ACSL1: variants seen among roughly 807,000 people sequenced by gnomAD.
ACSL1 encodes the protein acyl-CoA synthetase long chain family member 1.
ACSL1 carries 41 observed loss-of-function variants against 98.4 expected under a neutral mutation model. The observed-to-expected ratio is 0.42, with a 90% CI of 0.32 to 0.54. The LOEUF (loss-of-function observed/expected upper bound fraction) is 0.54, where lower values mean the gene tolerates loss of function less well. Among genes scored for constraint, ACSL1 ranks in the 20% least tolerant of loss-of-function variants. ACSL1 has a pLI of 0.13. For synonymous variants in ACSL1, 316 were observed against 322.7 expected (o/e 0.98, Z 0.22); for missense variants, 734 against 883.1 (o/e 0.83, Z 2.14).
intron 14 of ACSL1, among the ~76,000 whole-genome samples, chr4:184,765,272 G>A (rs927900380): frequency 1.3e-5 from 2 of 152,110 alleles, no homozygotes; most frequent in South Asian, 4.1e-4. Flanking sequence ...TTTACTACAG[G>A]TTGTCAGCAT....
At position 184,774,450 on chromosome 4, in the gene ACSL1, A is replaced by G. The variant is rs371199192; in HGVS notation, c.757-575T>C. The stretch of plus-strand genomic sequence containing the variant: ...TGGAGATAGGATTTGGGAGCCCCCA[A>G]TTATAAAACAGGCCACAGCAGACCC... On this transcript the variant is annotated intron_variant, in intron 7 of 20. Transcript: ENST00000281455. Among the ~76,000 whole-genome samples, 48 of 152,270 alleles carry G rather than the reference A, an allele frequency of 3.2e-4. No individual in the cohort carries two copies. The East Asian group carries it at 7.9e-3, about 25-fold the overall frequency.
chr4:184,815,937 A>G (rs1772589109), intron 1 of ACSL1, among the ~76,000 whole-genome samples: 1 of 152,050 alleles, frequency 6.6e-6, no homozygotes, highest in Non-Finnish European at 1.5e-5. Flanking sequence ...CCTGGCCAAC[A>G]TGGCGAAACT....
At position 184,757,644 on chromosome 4, in the gene ACSL1, T is replaced by C. The variant is rs1400228480; in HGVS notation, c.1947A>G (p.Pro649=). The part of the protein sequence containing the change: ...VRLGKDSGLK[P]FEQVKGITLH... ...CAGATGAAGGTCATACCTGTTCAAA[T>C]GGTTTCAGACCAGAATCCTTCCCAA... Residue 649 remains proline (P), a synonymous_variant, in exon 20 of 21, where the codon CCA becomes CCG. Coordinates refer to ENST00000281455, the MANE Select transcript of ACSL1 (RefSeq NM_001995.5). The surrounding 1 kb of genome is among the most constrained non-coding windows in gnomAD (Gnocchi z 4.5). 2 of 1,613,824 alleles carry C rather than the reference T, an allele frequency of 1.2e-6. No individual in the cohort carries two copies. The highest frequency in any genetic ancestry group is 2.2e-5 in the South Asian group (2 of 90,994).
intron 1 of ACSL1, among the ~76,000 whole-genome samples, chr4:184,807,311 G>A (rs557467410): frequency 1.3e-5 from 2 of 152,240 alleles, no homozygotes; most frequent in South Asian, 4.1e-4. Flanking sequence ...AAATCATGCC[G>A]CTGTTTGCCA....
chr4:184,806,351 G>T (rs529288306), intron 1 of ACSL1, among the ~76,000 whole-genome samples: 58 of 152,268 alleles, frequency 3.8e-4, no homozygotes, highest in Admixed American at 2.7e-3. Flanking sequence ...GTGCAAACTT[G>T]CCTTGCCCTC....
chr4:184,763,579 C>G (rs377742052), intron 15 of ACSL1, among the ~76,000 whole-genome samples: 11 of 152,298 alleles, frequency 7.2e-5, no homozygotes, highest in African/African-American at 2.4e-4. Context: ...ACCCTCCGAT[C>G]GCCCCCACCC....
chr4:184,780,689 CACAG>C (rs1297289513), intron 4 of ACSL1, among the ~76,000 whole-genome samples: 1 of 152,152 alleles, frequency 6.6e-6, no homozygotes, highest in African/African-American at 2.4e-5. Flanking sequence ...GGCTGCAGGT[CACAG>C]ACAATTATAT....
intron 5 of ACSL1, among the ~76,000 whole-genome samples, chr4:184,777,903 C>G (rs6552823): frequency 1 from 151,923 of 152,342 alleles, 75,753 homozygotes; most frequent in Non-Finnish European, 1. Flanking sequence ...CTGGAGAGCA[C>G]GGAGCAGCCA....
intron 1 of ACSL1, among the ~76,000 whole-genome samples, chr4:184,814,290 C>CAAAA (rs61541962): frequency 5.7e-4 from 37 of 64,412 alleles, no homozygotes; most frequent in Admixed American, 1.3e-3. Context: ...GACTCCGCCT[C>CAAAA]AAAAAAAAAA....
At chr4:184,770,723 A>G (rs545666490) in intron 10 of ACSL1, among the ~76,000 whole-genome samples, 1 of 152,356 alleles carries the variant, frequency 6.6e-6, no homozygotes, top group South Asian at 2.1e-4. Context: ...AAAATTAAAA[A>G]AAAAAGACTC....
intron 3 of ACSL1, among the ~76,000 whole-genome samples, chr4:184,785,909 G>GT (rs2150367640): frequency 6.6e-6 from 1 of 152,284 alleles, no homozygotes. Context: ...CATCTATGTG[G>GT]TTTTTCCTGG....
intron 7 of ACSL1, among the ~76,000 whole-genome samples, chr4:184,775,114 C>T (rs1294563113): frequency 2.6e-5 from 4 of 152,170 alleles, no homozygotes; most frequent in African/African-American, 9.7e-5. Flanking sequence ...CACAGCCTTA[C>T]ATCTCTCTTA....
At chr4:184,791,134 T>C (rs1453025238) in intron 2 of ACSL1, among the ~76,000 whole-genome samples, 1 of 152,240 alleles carries the variant, frequency 6.6e-6, no homozygotes, top group Non-Finnish European at 1.5e-5. Context: ...AGGTGCCTTC[T>C]ATACCTCTTG....
chr4:184,762,337 C>T (rs1762973906), intron 17 of ACSL1, 70 bp downstream of exon 17: 2 of 1,314,896 alleles, frequency 1.5e-6, no homozygotes, highest in Non-Finnish European at 2.2e-6. Flanking sequence ...GGCAGCTGCA[C>T]AGTAGATAAG....
In ACSL1 at chr4:184,757,135, A is replaced by G. The variant is rs756088857; in HGVS notation, c.2087T>C (p.Ile696Thr). Reference protein sequence around the residue: ...RSQIDDLYSTIKV With the variant: ...RSQIDDLYSTTKV ...GCTTTCTTCTTCACACTAAACCTTG[A>G]TAGTGGAATAGAGGTCATCTATCTG... Residue 696 changes from isoleucine (I) to threonine (T), a missense_variant, in exon 21 of 21, where the codon ATC (isoleucine) becomes ACC (threonine). Coordinates refer to ENST00000281455, the MANE Select transcript of ACSL1 (RefSeq NM_001995.5). The surrounding 1 kb of genome is among the most constrained non-coding windows in gnomAD (Gnocchi z 4.5). The G allele has an allele frequency of 1.3e-6, 2 of 1,588,696 alleles. No individual in the cohort carries two copies. The highest frequency in any genetic ancestry group is 1.1e-5 in the South Asian group (1 of 89,984).
rs570048341 is a variant in ACSL1, at chr4:184,794,130, G to A, written c.196-5399C>T. On this transcript the variant is annotated intron_variant, in intron 2 of 20. Transcript: ENST00000281455. ...AATCCACGGATACAGAGCGCCAACC[G>A]CGTCCTTCTCAGCATTTACATTTTA... Among the ~76,000 whole-genome samples the A allele has an allele frequency of 5.9e-5, 9 of 152,274 alleles. No individual in the cohort carries two copies. In the South Asian group the frequency reaches 1.5e-3, roughly 25 times the overall value.
chr4:184,826,378 C>G (rs1773492204), upstream of ACSL1: 1 of 152,794 alleles, frequency 6.5e-6, no homozygotes, highest in African/African-American at 2.4e-5. Flanking sequence ...ATCCTGCACC[C>G]TCAGCCCGTG....
Position 184,773,817 on chromosome 4 carries a change from A to G in ACSL1, c.789+26T>C, listed in dbSNP as rs201322116. ...ATATTGAAAACTACAAAGAGGACAGAGCAGGGTCTGACACGGTGTGCTTAC... is the reference window on the plus strand; with the variant it reads ...ATATTGAAAACTACAAAGAGGACAGGGCAGGGTCTGACACGGTGTGCTTAC... On this transcript the variant is annotated intron_variant, in intron 8 of 20. Transcript: ENST00000281455. This position sits in a 1 kb window ranked among gnomAD's most constrained non-coding sequence, Gnocchi z 4.3. 2.4e-3 allele frequency: 3,928 copies of G among 1,613,824 alleles called. 21 individuals carry two copies. In the Middle Eastern group the frequency reaches 0.035, roughly 14 times the overall value.
chr4:184,765,419 T>C (rs999623069), intron 14 of ACSL1, among the ~76,000 whole-genome samples: 3 of 152,106 alleles, frequency 2.0e-5, no homozygotes, highest in Non-Finnish European at 4.4e-5. Flanking sequence ...GTAAAAAATA[T>C]ACATATGGTT....
Sources: gnomAD v4.1 joint callset for allele counts (sites outside exome capture counted in the v4.1 genomes callset) on GRCh38, gnomAD v4.1.1 for gene constraint, Gnocchi (gnomAD v3.1) non-coding constraint, MANE v1.5 for transcripts, NCBI Gene and HGNC (gene_info 2026-07-23, HGNC 2026-07-21) for gene names.